The following FSTL5 variants were observed in gnomAD, a reference collection of about 807,000 sequenced individuals.
FSTL5 encodes the protein follistatin-related protein 5.
In FSTL5, 62 loss-of-function variants were observed where a neutral mutation model predicts 89.1. That is an observed-to-expected ratio of 0.70 (90% CI 0.57 to 0.86). FSTL5 has a LOEUF of 0.86. Among genes scored for constraint, FSTL5 ranks in the 40% least tolerant of loss-of-function variants. The pLI, the probability that FSTL5 is intolerant of heterozygous loss-of-function variation, is 0.00. For synonymous variants in FSTL5, 383 were observed against 346.2 expected, an observed-to-expected ratio of 1.11 and a Z score of -1.18; for missense variants, 1,057 against 1,001.6, an observed-to-expected ratio of 1.06 and a Z score of -0.75.
intron 4 of FSTL5, among the ~76,000 whole-genome samples, chr4:161,868,738 T>G (rs1272305913): frequency 6.6e-6 from 1 of 152,208 alleles, no homozygotes; most frequent in Admixed American, 6.5e-5. Flanking sequence ...TCTCACAGTT[T>G]TGTTTATTTG....
chr4:161,761,663 G>T (rs1740810120), intron 5 of FSTL5, among the ~76,000 whole-genome samples: 1 of 152,136 alleles, frequency 6.6e-6, no homozygotes, highest in Non-Finnish European at 1.5e-5. Flanking sequence ...AGACTAGTTT[G>T]ATCTTGATTT....
intron 2 of FSTL5, among the ~76,000 whole-genome samples, chr4:162,104,645 C>T (rs1416930585): frequency 9.9e-5 from 15 of 152,136 alleles, no homozygotes; most frequent in Non-Finnish European, 7.3e-5. Flanking sequence ...ACAAAACTAG[C>T]CCAAATGATG....
At chr4:161,807,189 A>T (rs1430145629) in intron 4 of FSTL5, among the ~76,000 whole-genome samples, 1 of 121,942 alleles carries the variant, frequency 8.2e-6, no homozygotes, top group Non-Finnish European at 1.7e-5. Flanking sequence ...TGAAGAACAC[A>T]TGAGAATACA....
intron 1 of FSTL5, among the ~76,000 whole-genome samples, chr4:162,150,524 T>C (rs1733186160): frequency 6.6e-6 from 1 of 152,180 alleles, no homozygotes; most frequent in African/African-American, 2.4e-5. Context: ...GTTAAGATTC[T>C]TTTAAGTTAA....
At chr4:161,390,758 C>G (rs993559458) in intron 15 of FSTL5, among the ~76,000 whole-genome samples, 1 of 152,056 alleles carries the variant, frequency 6.6e-6, no homozygotes, top group African/African-American at 2.4e-5. Flanking sequence ...GTATAGAACT[C>G]TGGAAGATTT....
At chr4:161,462,326 A>C (rs931493821) in intron 13 of FSTL5, among the ~76,000 whole-genome samples, 2 of 152,192 alleles carry the variant, frequency 1.3e-5, no homozygotes, top group Non-Finnish European at 2.9e-5. Context: ...TGCCTCATGT[A>C]TAAAAAACAT....
intron 3 of FSTL5, among the ~76,000 whole-genome samples, chr4:161,971,126 T>C (rs1735470371): frequency 6.6e-6 from 1 of 152,152 alleles, no homozygotes; most frequent in African/African-American, 2.4e-5. Flanking sequence ...TCAATGCTTA[T>C]TTTTGTATAT....
At chr4:161,528,469 G>T (rs9998458) in intron 10 of FSTL5, among the ~76,000 whole-genome samples, 4,401 of 142,950 alleles carry the variant, frequency 0.031, 589 homozygotes, top group African/African-American at 0.1. Flanking sequence ...GCCTTTATCA[G>T]AATTCTGGTA....
intron 7 of FSTL5, among the ~76,000 whole-genome samples, chr4:161,652,908 A>T (rs773004973): frequency 1.3e-5 from 2 of 152,134 alleles, no homozygotes; most frequent in Non-Finnish European, 2.9e-5. Context: ...ATGGGAATTA[A>T]ATTCACTTTT....
At position 161,778,689 on chromosome 4, in the gene FSTL5, T is replaced by A. The variant is rs1326396590; in HGVS notation, c.410-2615A>T. 2.6e-5 allele frequency among the ~76,000 whole-genome samples: 4 copies of A among 152,206 alleles called. No homozygotes were observed. In the East Asian group the frequency reaches 7.7e-4, roughly 29 times the overall value. On this transcript the variant is annotated intron_variant, in intron 4 of 15. Transcript: ENST00000306100. ...AAGTCAATTTTGTATCATTCTGTTC[T>A]CACTAAAGAATAATAATAAGAATAT...
At chr4:161,653,542 C>A (rs1736410732) in intron 7 of FSTL5, among the ~76,000 whole-genome samples, 1 of 152,066 alleles carries the variant, frequency 6.6e-6, no homozygotes, top group Non-Finnish European at 1.5e-5. Flanking sequence ...ATAACATTGA[C>A]AGGCTGTTCA....
At chr4:161,918,342 A>C (rs1451391050) in intron 4 of FSTL5, among the ~76,000 whole-genome samples, 1 of 152,160 alleles carries the variant, frequency 6.6e-6, no homozygotes, top group Non-Finnish European at 1.5e-5. Context: ...AAGACCCATA[A>C]TTTCTGAGAC....
In FSTL5 at chr4:161,666,242, A is replaced by G. The variant is rs139618462; in HGVS notation, c.728-9748T>C. On this transcript the variant is annotated intron_variant, in intron 6 of 15. Coordinates refer to ENST00000306100, the MANE Select transcript of FSTL5 (RefSeq NM_020116.5). ...CATTAACAAAACAATCAAGAAATCA[A>G]TAAAAGACTTGAAAAAGTGCTTTAT... 3.5e-3 allele frequency among the ~76,000 whole-genome samples: 533 copies of G among 152,290 alleles called. 2 individuals carry two copies. The highest frequency in any genetic ancestry group is 0.012 in the African/African-American group (508 of 41,574).
At chr4:162,096,793 A>T (rs536952034) in intron 2 of FSTL5, among the ~76,000 whole-genome samples, 184 of 152,072 alleles carry the variant, frequency 1.2e-3, no homozygotes, top group African/African-American at 4.4e-3. Flanking sequence ...ATAAATCAAA[A>T]ATAAAGTTAT....
At chr4:161,989,506 T>C (rs895793340) in intron 3 of FSTL5, among the ~76,000 whole-genome samples, 1 of 151,914 alleles carries the variant, frequency 6.6e-6, no homozygotes, top group Non-Finnish European at 1.5e-5. Flanking sequence ...AGCTATGGAA[T>C]CAAACTTAAA....
chr4:162,100,325 C>T (rs983138598), intron 2 of FSTL5, among the ~76,000 whole-genome samples: 1 of 152,090 alleles, frequency 6.6e-6, no homozygotes, highest in Non-Finnish European at 1.5e-5. Flanking sequence ...CTTTGGGAGG[C>T]CGAGGCGGGT....
At chr4:161,526,432 T>C (rs534191285) in intron 10 of FSTL5, among the ~76,000 whole-genome samples, 1 of 152,252 alleles carries the variant, frequency 6.6e-6, no homozygotes, top group East Asian at 1.9e-4. Context: ...AGTACATCAA[T>C]TTAGGGGAAA....
intron 15 of FSTL5, among the ~76,000 whole-genome samples, chr4:161,393,197 A>C (rs1363640209): frequency 6.6e-6 from 1 of 151,930 alleles, no homozygotes; most frequent in South Asian, 2.1e-4. Context: ...TTTAAAATCT[A>C]TTAATTAATC....
At chr4:162,036,498 T>TATCTACCAGATCATAAGTTCTA (rs1252069126) in intron 2 of FSTL5, among the ~76,000 whole-genome samples, 3 of 152,060 alleles carry the variant, frequency 2.0e-5, no homozygotes, top group Non-Finnish European at 4.4e-5. Context: ...CAGGACGTAT[T>TATCTACCAGATCATAAGTTCTA]TCAACCAGAT....
Sources: gnomAD v4.1 joint callset for allele counts (sites outside exome capture counted in the v4.1 genomes callset) on GRCh38, gnomAD v4.1.1 for gene constraint, MANE v1.5 for transcripts, NCBI Gene and HGNC (gene_info 2026-07-23, HGNC 2026-07-21) for gene names.